The following DIP2C variants were observed in gnomAD, a reference collection of about 807,000 sequenced individuals.
DIP2C encodes the protein DIP2 acetate--CoA ligase C (putative), also known as disco-interacting protein 2 homolog C.
DIP2C carries 33 observed loss-of-function variants against 192.4 expected under a neutral mutation model. The observed-to-expected ratio is 0.17, with a 90% CI of 0.13 to 0.23. The LOEUF (loss-of-function observed/expected upper bound fraction) is 0.23. Among genes scored for constraint, DIP2C ranks in the 10% least tolerant of loss-of-function variants. The pLI, the probability that DIP2C is intolerant of heterozygous loss-of-function variation, is 1.00. For synonymous variants in DIP2C, 979 were observed against 864.1 expected (o/e 1.13, Z -2.33); for missense variants, 1,537 against 2,110.1 (o/e 0.73, Z 5.32).
At chr10:523,151 C>T (rs1846816922) in intron 1 of DIP2C, among the ~76,000 whole-genome samples, 1 of 148,372 alleles carries the variant, frequency 6.7e-6, no homozygotes, top group Non-Finnish European at 1.5e-5. Flanking sequence ...CTACCTTACA[C>T]AAATGACCCT....
chr10:687,709 C>G (rs1005806787), intron 1 of DIP2C, among the ~76,000 whole-genome samples: 2 of 152,204 alleles, frequency 1.3e-5, no homozygotes, highest in Non-Finnish European at 2.9e-5. Context: ...GACAGTATCA[C>G]TCACCCTCCA....
At chr10:621,559 TCA>T (rs1043056370) in intron 1 of DIP2C, among the ~76,000 whole-genome samples, 9 of 152,030 alleles carry the variant, frequency 5.9e-5, no homozygotes, top group African/African-American at 2.2e-4. Context: ...AGTCAAACAG[TCA>T]CAGAGAGGAA....
In DIP2C at chr10:651,524, C is replaced by CA. The variant is rs1002190727; in HGVS notation, c.85+37969dup. ...TCCGTATCCACGTGAAGGTATTATG[C>CA]AAAAAAAGCTTAACTTTGTTTCAGT... is the stretch of plus-strand genomic sequence containing the variant. On this transcript the variant is annotated intron_variant, in intron 1 of 36. Transcript: ENST00000280886. This position sits in a 1 kb window ranked among gnomAD's most constrained non-coding sequence, Gnocchi z 4.1. 4.0e-6 allele frequency: 2 copies of CA among 494,354 alleles called. No homozygotes were observed. Among genetic ancestry groups the CA allele is most frequent in the African/African-American group, 1.9e-5 (1 of 51,384 alleles). 30.6% of individuals were successfully genotyped at this position (494,354 alleles called of 1,614,324 possible). A position where few individuals can be genotyped will look rare whatever the true frequency, so the allele number is the denominator to read the frequency against.
intron 1 of DIP2C, among the ~76,000 whole-genome samples, chr10:505,405 T>G (rs974805577): frequency 6.6e-6 from 1 of 152,190 alleles, no homozygotes; most frequent in African/African-American, 2.4e-5. Flanking sequence ...ATTTGTGTGT[T>G]AGTGATCAAG....
chr10:527,200 G>A (rs375538540), intron 1 of DIP2C, among the ~76,000 whole-genome samples: 8 of 152,160 alleles, frequency 5.3e-5, no homozygotes, highest in African/African-American at 1.9e-4. Flanking sequence ...GCGGCAGTGG[G>A]TGCATCTGCA....
chr10:639,312 C>T (rs1413097039), intron 1 of DIP2C, among the ~76,000 whole-genome samples: 1 of 145,710 alleles, frequency 6.9e-6, no homozygotes, highest in Non-Finnish European at 1.5e-5. Context: ...GGGTGCTGCC[C>T]GGCTCACGGT....
At chr10:360,071 T>C (rs1959261031) in intron 22 of DIP2C, among the ~76,000 whole-genome samples, 1 of 151,974 alleles carries the variant, frequency 6.6e-6, no homozygotes, top group African/African-American at 2.4e-5. Flanking sequence ...AAGCGAGCTT[T>C]TGAGGAGAGA....
rs1174464761 is a variant in DIP2C at position 371,160 on chromosome 10, GCACCA to G, written c.1992-1532_1992-1528del. On this transcript the variant is annotated intron_variant, in intron 17 of 36. Coordinates refer to ENST00000280886, the MANE Select transcript of DIP2C (RefSeq NM_014974.3). Reference sequence around the variant, plus strand: ...GGTCCTGCCACCATCCCCTCACCCTGCACCATCCCCTCACCCTGCACCATCCCCTC... The same window carrying G: ...GGTCCTGCCACCATCCCCTCACCCTGTCCCCTCACCCTGCACCATCCCCTC... 1.7e-3 allele frequency among the ~76,000 whole-genome samples: 86 copies of G among 51,000 alleles called. 1 individual carries two copies. The highest frequency in any genetic ancestry group is 2.9e-3 in the Admixed American group (14 of 4,786). The allele number at this position is 51,000 out of a possible 152,430, so 33.5% of individuals were successfully genotyped here.
At chr10:616,244 C>A (rs1370168977) in intron 1 of DIP2C, among the ~76,000 whole-genome samples, 2 of 152,180 alleles carry the variant, frequency 1.3e-5, no homozygotes, top group African/African-American at 2.4e-5. Flanking sequence ...CAATCCGATA[C>A]AAAATTTAAA....
intron 6 of DIP2C, 75 bp from the exon 7 acceptor site, chr10:415,963 A>C: frequency 6.3e-7 from 1 of 1,596,690 alleles, no homozygotes; most frequent in Non-Finnish European, 8.5e-7. Flanking sequence ...CCACAGTCCC[A>C]CAGCCCCCTC....
Position 363,345 on chromosome 10 carries a change from CG to C in DIP2C, c.2478-35del. The C allele has an allele frequency of 6.3e-7, 1 of 1,589,712 alleles. No individual in the cohort carries two copies. ...ACACAGGAGCATGGTGAGCACGCGC[CG>C]GGGACGCTCATGCAGCCCTCCCTCC... On this transcript the variant is annotated intron_variant, in intron 20 of 36. Transcript: ENST00000280886. The surrounding 1 kb of genome is among the most constrained non-coding windows in gnomAD (Gnocchi z 5.4).
intron 22 of DIP2C, among the ~76,000 whole-genome samples, chr10:360,427 G>A (rs1346265924): frequency 6.6e-6 from 1 of 152,164 alleles, no homozygotes; most frequent in Non-Finnish European, 1.5e-5. Flanking sequence ...TTCTCTTCCC[G>A]CTCCCATTAA....
chr10:510,146 C>G (rs1845912403), intron 1 of DIP2C, among the ~76,000 whole-genome samples: 1 of 152,230 alleles, frequency 6.6e-6, no homozygotes, highest in South Asian at 2.1e-4. Flanking sequence ...ACCACTGAAA[C>G]TGACTGAGTC....
At chr10:429,936 T>C (rs1230911716) in intron 4 of DIP2C, among the ~76,000 whole-genome samples, 2 of 152,122 alleles carry the variant, frequency 1.3e-5, no homozygotes, top group Admixed American at 6.6e-5. Flanking sequence ...GTAAAGAGTA[T>C]ATTTAGTTTT....
At chr10:406,069 C>T (rs1421049630) in intron 9 of DIP2C, among the ~76,000 whole-genome samples, 1 of 152,220 alleles carries the variant, frequency 6.6e-6, no homozygotes, top group Non-Finnish European at 1.5e-5. Flanking sequence ...CGTATCTCTA[C>T]TGACATCTTA....
chr10:429,870 G>T (rs116839449), intron 4 of DIP2C, among the ~76,000 whole-genome samples: 1 of 152,062 alleles, frequency 6.6e-6, no homozygotes, highest in Non-Finnish European at 1.5e-5. Context: ...GTATGTAGAC[G>T]TAAGTTTTCA....
intron 6 of DIP2C, among the ~76,000 whole-genome samples, chr10:417,704 C>CAGGGCGTGGACA (rs139265409): frequency 9.0e-6 from 1 of 111,270 alleles, no homozygotes; most frequent in Non-Finnish European, 1.9e-5. Context: ...CTGTGCCTGT[C>CAGGGCGTGGACA]GGCTCAAATA....
intron 1 of DIP2C, among the ~76,000 whole-genome samples, chr10:529,859 G>T (rs867250595): frequency 6.6e-6 from 1 of 152,154 alleles, no homozygotes; most frequent in Non-Finnish European, 1.5e-5. Flanking sequence ...GGCTCATCGC[G>T]GCCTTGACTT....
Position 363,422 on chromosome 10 carries a change from C to T in DIP2C, c.2478-111G>A, listed in dbSNP as rs747805073. ...CTAGTGAGTGACACAGCTCCAACTA[C>T]GACTTCAAAACGGCCGCTGTACTTC... On this transcript the variant is annotated intron_variant, in intron 20 of 36. Transcript: ENST00000280886. This position sits in a 1 kb window ranked among gnomAD's most constrained non-coding sequence, Gnocchi z 5.4. The T allele has an allele frequency of 3.0e-5, 26 of 880,052 alleles. No homozygotes were observed. The highest frequency in any genetic ancestry group is 7.7e-5 in the South Asian group (5 of 65,052). The allele number at this position is 880,052 out of a possible 1,614,324, so 54.5% of individuals were successfully genotyped here.
Sources: gnomAD v4.1 joint callset for allele counts (sites outside exome capture counted in the v4.1 genomes callset) on GRCh38, gnomAD v4.1.1 for gene constraint, Gnocchi (gnomAD v3.1) non-coding constraint, MANE v1.5 for transcripts, NCBI Gene and HGNC (gene_info 2026-07-23, HGNC 2026-07-21) for gene names.